Variants in WASF3 observed in about 807,000 individuals in gnomAD.
WASF3 encodes WASP family member 3.
Under a neutral mutation model 46.6 loss-of-function variants are expected in WASF3, and 11 were observed. The observed-to-expected ratio is 0.24, with a 90% CI of 0.15 to 0.39. The LOEUF is 0.39. Among genes scored for constraint, WASF3 ranks in the 10% least tolerant of loss-of-function variants. The probability of loss-of-function intolerance (pLI) is 1.00; values close to 1 mark genes in which losing one functional copy is unlikely to be tolerated. For synonymous variants in WASF3, 242 were observed against 259.7 expected (o/e 0.93, Z 0.65); for missense variants, 576 against 669.8 (o/e 0.86, Z 1.55).
chr13:26,637,540 A>G (rs568548827), intron 2 of WASF3, among the ~76,000 whole-genome samples: 1 of 152,182 alleles, frequency 6.6e-6, no homozygotes, highest in Non-Finnish European at 1.5e-5. Flanking sequence ...CCCACTAGGA[A>G]GGCCCTGTTG....
At chr13:26,566,445 C>T (rs1879467147) in intron 1 of WASF3, among the ~76,000 whole-genome samples, 1 of 152,170 alleles carries the variant, frequency 6.6e-6, no homozygotes, top group Non-Finnish European at 1.5e-5. Context: ...CCTGTACTAT[C>T]AATAAAGTTC....
At position 26,682,156 on chromosome 13, in the gene WASF3, A is replaced by C. The variant is rs1049768791; in HGVS notation, c.984-451A>C. 6.6e-6 allele frequency among the ~76,000 whole-genome samples: 1 copy of C among 152,154 alleles called. No homozygotes were observed. Among genetic ancestry groups the C allele is most frequent in the African/African-American group, 2.4e-5 (1 of 41,434 alleles). The stretch of plus-strand genomic sequence containing the variant: ...GCTGTGTGACTTTTCGAAGCTTTTG[A>C]TACACACCTGGGCACTGCAGGCATG... On this transcript the variant is annotated intron_variant, in intron 8 of 9. Transcript: ENST00000335327. The surrounding 1 kb of genome is among the most constrained non-coding windows in gnomAD (Gnocchi z 4.4).
At chr13:26,559,398 A>C (rs558136685) in intron 1 of WASF3, among the ~76,000 whole-genome samples, 32 of 152,362 alleles carry the variant, frequency 2.1e-4, no homozygotes, top group African/African-American at 7.2e-4. Flanking sequence ...ATTTGTTTTT[A>C]AAAAATCTGT....
chr13:26,610,680 A>T (rs73489379), intron 1 of WASF3, among the ~76,000 whole-genome samples: 1 of 152,174 alleles, frequency 6.6e-6, no homozygotes, highest in Non-Finnish European at 1.5e-5. Context: ...GCTTCTGGAC[A>T]GTAGCCACAG....
At chr13:26,626,720 C>A (rs964588075) in intron 2 of WASF3, among the ~76,000 whole-genome samples, 4 of 151,968 alleles carry the variant, frequency 2.6e-5, no homozygotes, top group Non-Finnish European at 5.9e-5. Context: ...AAGGAATGAC[C>A]GTTATATCAA....
rs115287019 is a variant in WASF3, at chr13:26,574,182, G to T, written c.-109+16363G>T. Among the ~76,000 whole-genome samples the T allele has an allele frequency of 4.2e-3, 644 of 152,276 alleles. 7 individuals carry two copies. The highest frequency in any genetic ancestry group is 0.015 in the African/African-American group (607 of 41,568). On this transcript the variant is annotated intron_variant, in intron 1 of 9. Transcript: ENST00000335327. The stretch of plus-strand genomic sequence containing the variant: ...ATAATTTTCTGTGAGTGTTCAAGAA[G>T]CTATATTCTCTGTTACCAGAGTGGA...
At chr13:26,561,325 G>A (rs951645974) in intron 1 of WASF3, among the ~76,000 whole-genome samples, 2 of 152,066 alleles carry the variant, frequency 1.3e-5, no homozygotes, top group Non-Finnish European at 2.9e-5. Context: ...GTCATTGGCC[G>A]TGTGTGTGTA....
At chr13:26,569,059 A>G (rs1005610527) in intron 1 of WASF3, among the ~76,000 whole-genome samples, 1 of 152,124 alleles carries the variant, frequency 6.6e-6, no homozygotes, top group Non-Finnish European at 1.5e-5. Flanking sequence ...TTAGTGTAGA[A>G]GAGGACATTC....
chr13:26,660,733 A>G (rs1181905718), intron 3 of WASF3, among the ~76,000 whole-genome samples: 1 of 152,178 alleles, frequency 6.6e-6, no homozygotes, highest in Non-Finnish European at 1.5e-5. Context: ...TTTACATAAC[A>G]TTAAATTTAC....
chr13:26,574,674 C>T (rs1396131814), intron 1 of WASF3, among the ~76,000 whole-genome samples: 2 of 152,044 alleles, frequency 1.3e-5, no homozygotes, highest in Non-Finnish European at 2.9e-5. Flanking sequence ...TCAGTTCTGT[C>T]ATTGTGTTAA....
intron 1 of WASF3, among the ~76,000 whole-genome samples, chr13:26,608,811 T>TA (rs1309469094): frequency 2.6e-5 from 4 of 152,250 alleles, no homozygotes. Flanking sequence ...TCGACATTCT[T>TA]ACGAGATATA....
At chr13:26,668,443 G>C (rs1882834815) in intron 5 of WASF3, among the ~76,000 whole-genome samples, 1 of 152,112 alleles carries the variant, frequency 6.6e-6, no homozygotes, top group South Asian at 2.1e-4. Context: ...ACAAGCACAG[G>C]CTGTGGTGAC....
intron 2 of WASF3, among the ~76,000 whole-genome samples, chr13:26,626,760 G>C (rs1881476382): frequency 6.6e-6 from 1 of 152,128 alleles, no homozygotes; most frequent in Admixed American, 6.6e-5. Context: ...ATTATTATTA[G>C]GGGTAAATGG....
chr13:26,668,796 A>T (rs1441775007), intron 5 of WASF3, among the ~76,000 whole-genome samples: 1 of 152,248 alleles, frequency 6.6e-6, no homozygotes, highest in East Asian at 1.9e-4. Flanking sequence ...TTATGGAAAA[A>T]GTAGACTTTT....
At chr13:26,672,928 G>T (rs1196490643) in intron 6 of WASF3, among the ~76,000 whole-genome samples, 1 of 152,180 alleles carries the variant, frequency 6.6e-6, no homozygotes, top group Non-Finnish European at 1.5e-5. Flanking sequence ...TTCCGGGAAA[G>T]AGGATGCAAA....
chr13:26,616,689 CACTT>C (rs1881144024), intron 2 of WASF3, among the ~76,000 whole-genome samples: 1 of 152,094 alleles, frequency 6.6e-6, no homozygotes, highest in African/African-American at 2.4e-5. Flanking sequence ...TCTGGCAGGG[CACTT>C]AGTTTGTATT....
rs1422739630 is a variant in WASF3 at position 26,648,420 on chromosome 13, A to G, written c.133+6017A>G. 2.0e-5 allele frequency among the ~76,000 whole-genome samples: 3 copies of G among 152,134 alleles called. No homozygotes were observed. The East Asian group carries it at 5.8e-4, about 29-fold the overall frequency. ...GCACTCTAATTCAGTTGCTTTATAT[A>G]ATTGGATCTGAAATTTGGAGGTGTG... On this transcript the variant is annotated intron_variant, in intron 3 of 9. Coordinates refer to ENST00000335327, the MANE Select transcript of WASF3 (RefSeq NM_006646.6).
At chr13:26,659,781 A>T (rs1882571030) in intron 3 of WASF3, among the ~76,000 whole-genome samples, 1 of 152,098 alleles carries the variant, frequency 6.6e-6, no homozygotes, top group African/African-American at 2.4e-5. Context: ...GGCAAGGATG[A>T]CCCTAAAGTC....
chr13:26,654,106 C>G (rs79158615), intron 3 of WASF3, among the ~76,000 whole-genome samples: 1 of 152,170 alleles, frequency 6.6e-6, no homozygotes, highest in African/African-American at 2.4e-5. Flanking sequence ...GTCACTATGC[C>G]TCTTGCCTTC....
Sources: allele counts gnomAD v4.1 joint callset (sites outside exome capture counted in the v4.1 genomes callset), GRCh38; gene constraint gnomAD v4.1.1; non-coding constraint Gnocchi (gnomAD v3.1); transcripts MANE v1.5; gene names NCBI Gene and HGNC (gene_info 2026-07-23, HGNC 2026-07-21).